Variants in LRP1B observed in about 807,000 individuals in gnomAD.
The protein encoded by LRP1B is LDL receptor related protein 1B, also known as low-density lipoprotein receptor-related protein 1B.
In LRP1B, 217 loss-of-function variants were observed where a neutral mutation model predicts 556.6. The observed-to-expected ratio is 0.39, with a 90% CI of 0.35 to 0.44. The LOEUF (loss-of-function observed/expected upper bound fraction) is 0.44. Among genes scored for constraint, LRP1B ranks in the 20% least tolerant of loss-of-function variants. The pLI is 1.00. For synonymous variants in LRP1B, 2,047 were observed against 1,865.8 expected (o/e 1.10, Z -2.50); for missense variants, 5,053 against 5,620.8 (o/e 0.90, Z 3.23).
At chr2:140,730,660 A>G (rs1322449881) in intron 35 of LRP1B, among the ~76,000 whole-genome samples, 1 of 152,058 alleles carries the variant, frequency 6.6e-6, no homozygotes, top group African/African-American at 2.4e-5. Flanking sequence ...CCCAGGTTCA[A>G]GTGATTCTCC....
intron 1 of LRP1B, among the ~76,000 whole-genome samples, chr2:141,982,871 T>C (rs919310427): frequency 1.3e-5 from 2 of 152,180 alleles, no homozygotes; most frequent in Non-Finnish European, 2.9e-5. Flanking sequence ...AAAAGGAGCA[T>C]CCATTTTCTT....
chr2:140,646,536 G>A (rs13018292), intron 41 of LRP1B, among the ~76,000 whole-genome samples: 3 of 152,092 alleles, frequency 2.0e-5, no homozygotes, highest in Admixed American at 2.0e-4. Flanking sequence ...TTTGATGCCA[G>A]TCTATGCACT....
intron 2 of LRP1B, among the ~76,000 whole-genome samples, chr2:141,605,706 C>T (rs1303320241): frequency 1.3e-5 from 2 of 152,178 alleles, no homozygotes; most frequent in Non-Finnish European, 2.9e-5. Context: ...TAGGAAAATA[C>T]ACTTTCCATA....
chr2:141,144,370 T>G (rs1701730909), intron 7 of LRP1B, among the ~76,000 whole-genome samples: 1 of 152,192 alleles, frequency 6.6e-6, no homozygotes, highest in African/African-American at 2.4e-5. Context: ...AATATAACTC[T>G]TAGATGTGAA....
intron 11 of LRP1B, among the ~76,000 whole-genome samples, chr2:141,031,749 G>A (rs75332892): frequency 0.023 from 3,454 of 151,894 alleles, 68 homozygotes; most frequent in Non-Finnish European, 0.032. Flanking sequence ...AAAAGGAAGA[G>A]ATTCAAGTGT....
chr2:141,418,051 C>T (rs1679981657), intron 3 of LRP1B, among the ~76,000 whole-genome samples: 1 of 152,090 alleles, frequency 6.6e-6, no homozygotes, highest in Admixed American at 6.5e-5. Flanking sequence ...GAAGAAATGC[C>T]TATGCAAGTC....
chr2:142,011,483 ATAAT>A (rs1173904006), intron 1 of LRP1B, among the ~76,000 whole-genome samples: 1 of 152,178 alleles, frequency 6.6e-6, no homozygotes, highest in Non-Finnish European at 1.5e-5. Context: ...AGCCTAAAAG[ATAAT>A]TATAAGGAAT....
At chr2:140,329,270 C>T (rs1000841906) in intron 79 of LRP1B, among the ~76,000 whole-genome samples, 2 of 152,014 alleles carry the variant, frequency 1.3e-5, no homozygotes, top group African/African-American at 4.8e-5. Flanking sequence ...CCATTTATGA[C>T]AAACCCATAG....
At chr2:141,296,116 GAGC>G (rs1394466099) in intron 3 of LRP1B, among the ~76,000 whole-genome samples, 1 of 151,968 alleles carries the variant, frequency 6.6e-6, no homozygotes, top group Non-Finnish European at 1.5e-5. Flanking sequence ...TGGCCTTTAG[GAGC>G]CCATCTATGG....
intron 6 of LRP1B, among the ~76,000 whole-genome samples, chr2:141,214,818 T>C (rs1682725294): frequency 1.3e-5 from 2 of 152,172 alleles, no homozygotes; most frequent in Non-Finnish European, 2.9e-5. Context: ...TCAGAAACAC[T>C]GAAATTAGCT....
chr2:142,063,438 T>C (rs1437025438), intron 1 of LRP1B, among the ~76,000 whole-genome samples: 3 of 151,736 alleles, frequency 2.0e-5, no homozygotes, highest in Admixed American at 1.3e-4. Context: ...CTGAAACTGA[T>C]GTGAACAATC....
intron 1 of LRP1B, among the ~76,000 whole-genome samples, chr2:141,880,156 C>T (rs369382512): frequency 1.3e-5 from 2 of 152,064 alleles, no homozygotes; most frequent in South Asian, 2.1e-4. Context: ...AGAATATCTA[C>T]GATCCATCAA....
chr2:141,457,604 A>T (rs2105034444), intron 3 of LRP1B, among the ~76,000 whole-genome samples: 1 of 151,848 alleles, frequency 6.6e-6, no homozygotes, highest in Admixed American at 6.6e-5. Flanking sequence ...AATAAAAATT[A>T]AAAAAATGTG....
intron 7 of LRP1B, among the ~76,000 whole-genome samples, chr2:141,123,820 G>T (rs546601908): frequency 1.6e-3 from 238 of 152,002 alleles, no homozygotes; most frequent in African/African-American, 5.4e-3. Context: ...TCTTTCCCTA[G>T]TCTCTTAAGC....
rs1330228370 is a variant in LRP1B, at chr2:140,252,111, GA to G, written c.13248-4950del. Reference sequence around the variant, plus strand: ...AAAACCCAAAAAACAAAAAAAAACAGAAAAAAAACCTAGCATTTTGGGACAG... The same window carrying G: ...AAAACCCAAAAAACAAAAAAAAACAGAAAAAAACCTAGCATTTTGGGACAG... On this transcript the variant is annotated intron_variant, in intron 86 of 90. Transcript: ENST00000389484. Among the ~76,000 whole-genome samples, 17 of 26,496 alleles carry G rather than the reference GA, an allele frequency of 6.4e-4. No individual in the cohort carries two copies. In the East Asian group the frequency reaches 0.021, roughly 33 times the overall value. The allele number at this position is 26,496 out of a possible 152,430, so 17.4% of individuals were successfully genotyped here.
intron 3 of LRP1B, among the ~76,000 whole-genome samples, chr2:141,455,504 ATT>A (rs58497312): frequency 6.7e-6 from 1 of 150,168 alleles, no homozygotes; most frequent in African/African-American, 2.4e-5. Flanking sequence ...AATGACGTTC[ATT>A]TTTTTTTTCT....
intron 32 of LRP1B, among the ~76,000 whole-genome samples, chr2:140,812,810 G>T (rs4954857): frequency 0.79 from 120,009 of 151,850 alleles, 48,061 homozygotes; most frequent in East Asian, 0.99. Flanking sequence ...AATTTTCTGA[G>T]TATCATCCTG....
rs1446400152 is a variant in LRP1B, at chr2:140,867,511, T to C, written c.4579+79A>G. 4 of 1,408,722 alleles carry C rather than the reference T, an allele frequency of 2.8e-6. No homozygotes were observed. The African/African-American group carries it at 4.4e-5, about 15-fold the overall frequency. 87.3% of individuals were successfully genotyped at this position (1,408,722 alleles called of 1,614,324 possible). Reference sequence around the variant, plus strand: ...TCAATAACTTTTAACTTATAGAAGTTATTTTATACTTCAAATATTATATGA... The same window carrying C: ...TCAATAACTTTTAACTTATAGAAGTCATTTTATACTTCAAATATTATATGA... On this transcript the variant is annotated intron_variant, in intron 27 of 90. Coordinates refer to ENST00000389484, the MANE Select transcript of LRP1B (RefSeq NM_018557.3).
intron 83 of LRP1B, among the ~76,000 whole-genome samples, chr2:140,314,734 A>AG (rs1252841378): frequency 1.3e-5 from 2 of 152,130 alleles, no homozygotes; most frequent in East Asian, 3.9e-4. Flanking sequence ...CTCAACCCAG[A>AG]GTAATTGTTA....
Sources: allele counts gnomAD v4.1 joint callset (sites outside exome capture counted in the v4.1 genomes callset), GRCh38; gene constraint gnomAD v4.1.1; transcripts MANE v1.5; gene names NCBI Gene and HGNC (gene_info 2026-07-23, HGNC 2026-07-21).